Variants in VCP observed in about 807,000 individuals in gnomAD.
The protein encoded by VCP is valosin containing protein.
Under a neutral mutation model 85.7 loss-of-function variants are expected in VCP, and 6 were observed. The observed-to-expected ratio is 0.07, with a 90% CI of 0.04 to 0.14. The LOEUF (loss-of-function observed/expected upper bound fraction) is 0.14. Among genes scored for constraint, VCP ranks in the 10% least tolerant of loss-of-function variants. The probability of loss-of-function intolerance (pLI) is 1.00; values close to 1 mark genes in which losing one functional copy is unlikely to be tolerated. For synonymous variants in VCP, 384 were observed against 367.1 expected (o/e 1.05, Z -0.53); for missense variants, 353 against 1,043.4 (o/e 0.34, Z 9.12).
In VCP at chr9:35,065,164, G is replaced by A. The variant is rs1033862492; in HGVS notation, c.576+87C>T. On this transcript the variant is annotated intron_variant, in intron 5 of 16. Coordinates refer to ENST00000358901, the MANE Select transcript of VCP (RefSeq NM_007126.5). ...ATTACAGGTGTCAGCCACCGCAGCCGGCCGAGCACCCAGTCCTGACAGTTA... is the reference window on the plus strand; with the variant it reads ...ATTACAGGTGTCAGCCACCGCAGCCAGCCGAGCACCCAGTCCTGACAGTTA... 36 of 1,600,436 alleles carry A rather than the reference G, an allele frequency of 2.2e-5. 1 individual carries two copies. Among genetic ancestry groups the A allele is most frequent in the East Asian group, 1.3e-4 (6 of 44,768 alleles).
At position 35,059,835 on chromosome 9, in the gene VCP, A is replaced by G. The variant is rs1338437843; in HGVS notation, c.1696-34T>C. 1 of 1,613,834 alleles carries G rather than the reference A, an allele frequency of 6.2e-7. No individual in the cohort carries two copies. Among genetic ancestry groups the G allele is most frequent in the Non-Finnish European group, 8.5e-7 (1 of 1,179,912 alleles). On this transcript the variant is annotated intron_variant, in intron 13 of 16. Transcript: ENST00000358901. The surrounding 1 kb of genome is among the most constrained non-coding windows in gnomAD (Gnocchi z 4.9). ...GGAATGGATTGATTCAAGCACTAAC[A>G]AAACTAGATGTCTCTAGGCAAACGT...
At chr9:35,057,947 G>C (rs1226356911) in intron 15 of VCP, 2 of 303,134 alleles carry the variant, frequency 6.6e-6, no homozygotes, top group African/African-American at 4.4e-5. Context: ...ACTTTAAAAG[G>C]AAATGCCAAT....
intron 4 of VCP, 86 bp from the exon 5 acceptor site, chr9:35,065,467 C>T: frequency 6.3e-7 from 1 of 1,577,500 alleles, no homozygotes; most frequent in Non-Finnish European, 8.6e-7. Flanking sequence ...GTCAAAATGC[C>T]AAGCTCATTA....
At chr9:35,060,230 T>C (rs1184044363) in intron 13 of VCP, 83 bp downstream of exon 13, 12 of 1,413,362 alleles carry the variant, frequency 8.5e-6, no homozygotes, top group Non-Finnish European at 1.2e-5. Flanking sequence ...GCACTAAGAA[T>C]ATTTCAACCC....
At chr9:35,064,888 GAC>G (rs1253104641) in intron 5 of VCP, among the ~76,000 whole-genome samples, 1 of 152,036 alleles carries the variant, frequency 6.6e-6, no homozygotes, top group East Asian at 1.9e-4. Context: ...TCTTTTTTGA[GAC>G]AGAGTCTCAC....
chr9:35,072,319 C>A lies in VCP; in HGVS notation c.17+18G>T. 1 of 1,483,928 alleles carries A rather than the reference C, an allele frequency of 6.7e-7. No homozygotes were observed. The highest frequency in any genetic ancestry group is 8.9e-7 in the Non-Finnish European group (1 of 1,125,268). 91.9% of individuals were successfully genotyped at this position (1,483,928 alleles called of 1,614,324 possible). ...GGTGCGCGCCGCCGCAGCAAGCGAA[C>A]GGCGCGCGCACACTCACTCGGCTCC... On this transcript the variant is annotated intron_variant, in intron 1 of 16. Transcript: ENST00000358901.
rs1000496477 is a variant in VCP, at chr9:35,059,103, A to C, written c.2121T>G (p.Ile707Met). The C allele has an allele frequency of 6.2e-7, 1 of 1,613,872 alleles. No homozygotes were observed. The highest frequency in any genetic ancestry group is 1.3e-5 in the African/African-American group (1 of 74,848). ...TTGTCTGCCTCTCTCGTTCTCGCCT[A>C]ATCTCACTCTCGATGGATTCACGGA... ...LAIRESIESEIRRERERQTNP... is the reference protein window; with the variant it reads ...LAIRESIESEMRRERERQTNP... Residue 707 changes from isoleucine to methionine, a missense_variant, in exon 15 of 17, where the codon ATT (isoleucine) becomes ATG (methionine). By Grantham distance (10) the Ile-to-Met change is conservative. Around this residue, in one of 8 missense-constraint regions of VCP, gnomAD observed 93 missense variants for 197.1 expected, o/e 0.47. Transcript: ENST00000358901. The surrounding 1 kb of genome is among the most constrained non-coding windows in gnomAD (Gnocchi z 4.9).
At position 35,072,344 on chromosome 9, in the gene VCP, C is replaced by A; in HGVS notation, c.10G>T (p.Gly4Ter). The A allele has an allele frequency of 6.7e-7, 1 of 1,486,690 alleles. No individual in the cohort carries two copies. The highest frequency in any genetic ancestry group is 1.3e-5 in the South Asian group (1 of 79,024). The allele number at this position is 1,486,690 out of a possible 1,614,324, so 92.1% of individuals were successfully genotyped here. A position where few individuals can be genotyped will look rare whatever the true frequency, so the allele number is the denominator to read the frequency against. Residue 4 changes from glycine to a stop codon, truncating the protein, a stop_gained, in exon 1 of 17, where the codon GGA becomes TGA. Coordinates refer to ENST00000358901, the MANE Select transcript of VCP (RefSeq NM_007126.5). LOFTEE classifies it high-confidence loss of function. MAS[G>*]ADSKGDDLST... The stretch of plus-strand genomic sequence containing the variant: ...CGGCGCGCGCACACTCACTCGGCTC[C>A]AGAAGCCATGGCGCGCGCCTCTCCC...
intron 15 of VCP, among the ~76,000 whole-genome samples, chr9:35,058,051 A>G (rs1828645578): frequency 6.6e-6 from 1 of 152,168 alleles, no homozygotes; most frequent in Non-Finnish European, 1.5e-5. Flanking sequence ...GGGTTTCCCA[A>G]TGATTGCAAT....
chr9:35,071,667 C>G (rs927416717), intron 1 of VCP: 1 of 972,692 alleles, frequency 1.0e-6, no homozygotes, highest in African/African-American at 1.8e-5. Flanking sequence ...GAACAACAGG[C>G]CTAAAGTAAG....
Position 35,068,048 on chromosome 9 carries a change from A to C in VCP, c.145T>G (p.Leu49Val). The change falls in exon 3 of 17, where the codon TTG (leucine) becomes GTG (valine). Residue 49 changes from leucine (L) to valine (V), a missense_variant. Transcript: ENST00000358901. ...ACTGTGTCACCTCGGAACAACTGCA[A>C]TTCATCCATCTTGGGCTGAGGAAAG... is the stretch of plus-strand genomic sequence containing the variant. Reference protein sequence around the residue: ...VSLSQPKMDELQLFRGDTVLL... With the variant: ...VSLSQPKMDEVQLFRGDTVLL... 1 of 1,614,240 alleles carries C rather than the reference A, an allele frequency of 6.2e-7. No homozygotes were observed. The highest frequency in any genetic ancestry group is 8.5e-7 in the Non-Finnish European group (1 of 1,180,044).
chr9:35,065,488 T>C (rs763825181), intron 4 of VCP, 107 bp from the exon 5 acceptor site: 3 of 1,472,878 alleles, frequency 2.0e-6, no homozygotes, highest in Non-Finnish European at 2.8e-6. Flanking sequence ...GATAGTGCCC[T>C]TCATTAGATA....
chr9:35,061,771 A>T, intron 9 of VCP, 82 bp from the exon 10 acceptor site: 1 of 1,390,938 alleles, frequency 7.2e-7, no homozygotes, highest in Non-Finnish European at 1.0e-6. Context: ...CAACCATCTC[A>T]GCCAGCACAG....
chr9:35,070,637 T>C (rs1388131884), intron 1 of VCP, among the ~76,000 whole-genome samples: 1 of 152,178 alleles, frequency 6.6e-6, no homozygotes, highest in Non-Finnish European at 1.5e-5. Context: ...GGTTTCTCCA[T>C]GTTGCCCGGG....
chr9:35,069,444 C>CTTTTT (rs35498216), intron 1 of VCP, among the ~76,000 whole-genome samples: 107 of 96,060 alleles, frequency 1.1e-3, no homozygotes, highest in Non-Finnish European at 1.6e-3. Flanking sequence ...CTCCCTCTCC[C>CTTTTT]TTTTTTTTTT....
At position 35,057,146 on chromosome 9, in the gene VCP, C is replaced by G; in HGVS notation, c.2392G>C (p.Glu798Gln). Residue 798 changes from glutamate (E) to glutamine (Q), a missense_variant, in exon 17 of 17, where the codon GAA becomes CAA. Transcript: ENST00000358901. ...CCATACAGGTCATCATCATTGTCTT[C>G]TGTGTATACACTGCCACCTGTGCCG... ...GGGTGGSVYT[E>Q]DNDDDLYG 1 of 1,614,200 alleles carries G rather than the reference C, an allele frequency of 6.2e-7. No homozygotes were observed. Among genetic ancestry groups the G allele is most frequent in the South Asian group, 1.1e-5 (1 of 91,082 alleles).
intron 12 of VCP, 29 bp downstream of exon 12, chr9:35,060,772 G>C (rs1338989893): frequency 6.2e-7 from 1 of 1,614,090 alleles, no homozygotes; most frequent in South Asian, 1.1e-5. Flanking sequence ...TACTGAGACA[G>C]TGACTCACCC....
chr9:35,058,976 CA>C (rs1828667029), intron 15 of VCP, 87 bp downstream of exon 15: 10 of 1,570,906 alleles, frequency 6.4e-6, no homozygotes, highest in Middle Eastern at 2.0e-4. Flanking sequence ...ATCTTTCCAA[CA>C]GCTTCTACTC....
At chr9:35,061,554 G>C in intron 10 of VCP, 23 bp downstream of exon 10, 1 of 1,606,014 alleles carries the variant, frequency 6.2e-7, no homozygotes, top group Non-Finnish European at 8.5e-7. Flanking sequence ...GTAACGCCTG[G>C]TCAGCCATCA....
Sources: gnomAD v4.1 joint callset for allele counts (sites outside exome capture counted in the v4.1 genomes callset) on GRCh38, gnomAD v4.1.1 for gene constraint, gnomAD v4.1.1 regional missense constraint, Gnocchi (gnomAD v3.1) non-coding constraint, MANE v1.5 for transcripts, NCBI Gene and HGNC (gene_info 2026-07-23, HGNC 2026-07-21) for gene names.